The following EDN3 variants were observed in gnomAD, a reference collection of about 807,000 sequenced individuals.
EDN3 encodes endothelin-3.
A neutral mutation model predicts 21.4 loss-of-function variants in EDN3; 9 were observed. The ratio of observed to expected loss-of-function variants is 0.42; its 90% CI spans 0.25 to 0.73. EDN3 has a LOEUF of 0.73. Among genes scored for constraint, EDN3 ranks in the 30% least tolerant of loss-of-function variants. EDN3 has a pLI of 0.26. For missense variants in EDN3, 327 were observed against 309.4 expected, an observed-to-expected ratio of 1.06 and a Z score of -0.43; for synonymous variants, 133 against 126.2, an observed-to-expected ratio of 1.05 and a Z score of -0.36.
At chr20:59,323,615 G>GATCTC in intron 4 of EDN3, 1 of 399,646 alleles carries the variant, frequency 2.5e-6, no homozygotes. Context: ...AGGAAGCGTG[G>GATCTC]GGTGGTTGCA....
At chr20:59,311,317 G>A (rs1288663188) in intron 2 of EDN3, among the ~76,000 whole-genome samples, 1 of 152,312 alleles carries the variant, frequency 6.6e-6, no homozygotes, top group South Asian at 2.1e-4. Context: ...CAAGTCCATA[G>A]AGTAAAGCGA....
At chr20:59,318,269 G>C (rs1205110370) in intron 2 of EDN3, among the ~76,000 whole-genome samples, 1 of 152,232 alleles carries the variant, frequency 6.6e-6, no homozygotes, top group African/African-American at 2.4e-5. Context: ...CAGCGCTGGT[G>C]TGGGATGGCG....
At position 59,301,469 on chromosome 20, in the gene EDN3, A is replaced by G. The variant is rs1338846483; in HGVS notation, c.112A>G (p.Thr38Ala). The G allele has an allele frequency of 6.2e-7, 1 of 1,613,220 alleles. No homozygotes were observed. The change falls in exon 2 of 5, where the codon ACT becomes GCT. Residue 38 changes from threonine to alanine, a missense_variant. By Grantham distance (58) the Thr-to-Ala change is moderately conservative (BLOSUM62 0). Transcript: ENST00000337938. Reference sequence around the variant, plus strand: ...CAGGCGCGGCGTGTCCCAGGCCCCCACTGCAGCCAGATCTGAGGGGGACTG... The same window carrying G: ...CAGGCGCGGCGTGTCCCAGGCCCCCGCTGCAGCCAGATCTGAGGGGGACTG... Reference protein sequence around the residue: ...AGRRGVSQAPTAARSEGDCEE... With the variant: ...AGRRGVSQAPAAARSEGDCEE...
chr20:59,305,303 T>C lies in EDN3; in HGVS notation c.365+3581T>C, dbSNP rs1009313723. Among the ~76,000 whole-genome samples, 2 of 152,208 alleles carry C rather than the reference T, an allele frequency of 1.3e-5. No homozygotes were observed. The highest frequency in any genetic ancestry group is 2.4e-5 in the African/African-American group (1 of 41,444). ...GAGAAAAACATATCCCATCCTATTG[T>C]CATGGATAAGTTGCCAAGAATAAGA... On this transcript the variant is annotated intron_variant, in intron 2 of 4. Coordinates refer to ENST00000337938, the MANE Select transcript of EDN3 (RefSeq NM_207034.3). This position sits in a 1 kb window ranked among gnomAD's most constrained non-coding sequence, Gnocchi z 4.2.
In EDN3 at chr20:59,321,128, C is replaced by A. The variant is rs149177260; in HGVS notation, c.477C>A (p.Cys159Ter). The A allele has an allele frequency of 1.2e-6, 2 of 1,614,232 alleles. No homozygotes were observed. Among genetic ancestry groups the A allele is most frequent in the Non-Finnish European group, 8.5e-7 (1 of 1,180,052 alleles). Residue 159 changes from cysteine to a stop codon, truncating the protein, a stop_gained, in exon 3 of 5, where the codon TGC becomes TGA. Coordinates refer to ENST00000337938, the MANE Select transcript of EDN3 (RefSeq NM_207034.3). LOFTEE classifies it high-confidence loss of function. ...LQLSHRPHLRCACVGRYDKAC... is the reference protein window; with the variant it reads ...LQLSHRPHLR ...TCTCACATCGGCCACACTTGCGCTG[C>A]GCTTGTGTGGGGAGATATGACAAGG...
chr20:59,303,619 C>T (rs566100104), intron 2 of EDN3, among the ~76,000 whole-genome samples: 10 of 152,128 alleles, frequency 6.6e-5, no homozygotes, highest in Non-Finnish European at 1.3e-4. Context: ...TACCAAACCC[C>T]GGAGCACTGG....
chr20:59,301,878 A>T (rs1600718699), intron 2 of EDN3, among the ~76,000 whole-genome samples, 156 bp downstream of exon 2: 1 of 152,132 alleles, frequency 6.6e-6, no homozygotes, highest in Non-Finnish European at 1.5e-5. Context: ...TTGCCAGCCC[A>T]GGTCTCTTCT....
Position 59,322,458 on chromosome 20 carries a change from G to A in EDN3, c.588+41G>A, listed in dbSNP as rs750031027. On this transcript the variant is annotated intron_variant, in intron 4 of 4. Coordinates refer to ENST00000337938, the MANE Select transcript of EDN3 (RefSeq NM_207034.3). The surrounding 1 kb of genome is among the most constrained non-coding windows in gnomAD (Gnocchi z 4.1). ...AGAGGCCTGTGTCAAAGGAGGTGAA[G>A]ATGTGACGTGTCATTCCTTCGGGGG... The A allele has an allele frequency of 6.2e-6, 10 of 1,609,718 alleles. 1 individual carries two copies. In the South Asian group the frequency reaches 1.1e-4, roughly 18 times the overall value.
chr20:59,308,804 G>A lies in EDN3; in HGVS notation c.365+7082G>A, dbSNP rs200660792. On this transcript the variant is annotated intron_variant, in intron 2 of 4. Coordinates refer to ENST00000337938, the MANE Select transcript of EDN3 (RefSeq NM_207034.3). ...TCCTGCCATATCCAATCCTGTGATT[G>A]GAGGATGCTGGCTGGTGAGTAGAAA... 5.3e-5 allele frequency among the ~76,000 whole-genome samples: 8 copies of A among 152,176 alleles called. No individual in the cohort carries two copies. The East Asian group carries it at 1.2e-3, about 22-fold the overall frequency.
intron 2 of EDN3, among the ~76,000 whole-genome samples, chr20:59,318,815 T>G (rs1990350904): frequency 6.6e-6 from 1 of 152,216 alleles, no homozygotes; most frequent in African/African-American, 2.4e-5. Flanking sequence ...GCTCTACATG[T>G]GCAAATGCAT....
Position 59,300,743 on chromosome 20 carries a change from C to G in EDN3, c.-70C>G. ...GGAGGGCGAGGCCAGCTGTACCCGGCCCCAGTGCCCTTTCGCGGCCACAAG... is the reference window on the plus strand; with the variant it reads ...GGAGGGCGAGGCCAGCTGTACCCGGGCCCAGTGCCCTTTCGCGGCCACAAG... On this transcript the variant is annotated 5_prime_UTR_variant, in exon 1 of 5. Coordinates refer to ENST00000337938, the MANE Select transcript of EDN3 (RefSeq NM_207034.3). The G allele has an allele frequency of 6.5e-7, 1 of 1,533,204 alleles. No individual in the cohort carries two copies. The highest frequency in any genetic ancestry group is 2.4e-5 in the East Asian group (1 of 41,810). 95.0% of individuals were successfully genotyped at this position (1,533,204 alleles called of 1,614,324 possible).
At chr20:59,312,045 AT>A (rs1410376891) in intron 2 of EDN3, among the ~76,000 whole-genome samples, 4 of 120,610 alleles carry the variant, frequency 3.3e-5, no homozygotes, top group African/African-American at 2.6e-4. Context: ...ATTTTTTTTA[AT>A]CCCTTTGCAC....
intron 2 of EDN3, among the ~76,000 whole-genome samples, chr20:59,320,331 C>T (rs1219368350): frequency 6.6e-6 from 1 of 152,232 alleles, no homozygotes; most frequent in Admixed American, 6.5e-5. Flanking sequence ...TTCTCATTAG[C>T]ACAAACTGCT....
chr20:59,302,094 G>C (rs909709201), intron 2 of EDN3, among the ~76,000 whole-genome samples: 2 of 152,140 alleles, frequency 1.3e-5, no homozygotes, highest in Non-Finnish European at 2.9e-5. Context: ...GGGGCCAAGG[G>C]GGCTCATACT....
At chr20:59,320,370 C>T (rs936373386) in intron 2 of EDN3, among the ~76,000 whole-genome samples, 2 of 152,250 alleles carry the variant, frequency 1.3e-5, no homozygotes, top group African/African-American at 4.8e-5. Flanking sequence ...CAGTCAGAAA[C>T]CTCAGGTCTG....
intron 2 of EDN3, among the ~76,000 whole-genome samples, chr20:59,307,386 A>G (rs1989501684): frequency 6.6e-6 from 1 of 152,160 alleles, no homozygotes; most frequent in African/African-American, 2.4e-5. Flanking sequence ...AGTTTACAGG[A>G]AGAAGCTGAG....
chr20:59,318,854 A>T (rs1480914488), intron 2 of EDN3, among the ~76,000 whole-genome samples: 4 of 152,226 alleles, frequency 2.6e-5, no homozygotes, highest in Non-Finnish European at 5.9e-5. Flanking sequence ...TCAAAATTGC[A>T]GGTCTCACTA....
intron 2 of EDN3, among the ~76,000 whole-genome samples, chr20:59,310,259 G>A (rs1989709153): frequency 6.6e-6 from 1 of 152,176 alleles, no homozygotes; most frequent in Non-Finnish European, 1.5e-5. Flanking sequence ...GCATGAGAAA[G>A]TGACCTGGTC....
intron 2 of EDN3, among the ~76,000 whole-genome samples, chr20:59,320,396 G>A (rs955261297): frequency 2.0e-5 from 3 of 152,268 alleles, no homozygotes; most frequent in Non-Finnish European, 2.9e-5. Context: ...AGGCTGCGGG[G>A]TAGGCAGGTG....
Sources: allele counts gnomAD v4.1 joint callset (sites outside exome capture counted in the v4.1 genomes callset), GRCh38; gene constraint gnomAD v4.1.1; non-coding constraint Gnocchi (gnomAD v3.1); transcripts MANE v1.5; gene names NCBI Gene and HGNC (gene_info 2026-07-23, HGNC 2026-07-21).